Variants in SCAND3 observed in about 807,000 individuals in gnomAD.
SCAND3 encodes SCAN domain containing 3, also known as SCAN domain-containing protein 3.
At chr6:28,586,469 T>C in the SCAND3 span, 1 of 1,614,210 alleles carries the variant, frequency 6.2e-7, no homozygotes. This position sits in a 1 kb window ranked among gnomAD's most constrained non-coding sequence, Gnocchi z 4.4. Flanking sequence ...TATGTATCTC[T>C]GGGTTCAGCC....
chr6:28,600,988 A>G, the SCAND3 span, among the ~76,000 whole-genome samples: 1 of 140,034 alleles, frequency 7.1e-6, no homozygotes, highest in Non-Finnish European at 1.5e-5. Flanking sequence ...CGCAAGCTCC[A>G]TCTCCCAGGG....
chr6:28,581,049 G>C, the SCAND3 span, among the ~76,000 whole-genome samples: 1 of 151,950 alleles, frequency 6.6e-6, no homozygotes, highest in African/African-American at 2.4e-5. Flanking sequence ...TTTAACGCTG[G>C]AAAGAAGCTG....
the SCAND3 span, among the ~76,000 whole-genome samples, chr6:28,595,195 C>CAAAAAA: frequency 3.7e-4 from 6 of 16,116 alleles, 1 homozygote; most frequent in African/African-American, 9.3e-4. Context: ...CCGTCACTAC[C>CAAAAAA]AAAAAAAAAA....
chr6:28,582,663 C>G, the SCAND3 span, among the ~76,000 whole-genome samples: 3 of 152,302 alleles, frequency 2.0e-5, no homozygotes, highest in South Asian at 6.2e-4. This position sits in a 1 kb window ranked among gnomAD's most constrained non-coding sequence, Gnocchi z 4.8. Context: ...TGGCTCACGC[C>G]TGTACTCCCA....
At chr6:28,606,097 A>G in the SCAND3 span, among the ~76,000 whole-genome samples, 2 of 152,182 alleles carry the variant, frequency 1.3e-5, no homozygotes, top group South Asian at 2.1e-4. Flanking sequence ...AAAGTTCCTA[A>G]TAGTACTGTG....
At chr6:28,601,456 C>T in the SCAND3 span, among the ~76,000 whole-genome samples, 1 of 151,972 alleles carries the variant, frequency 6.6e-6, no homozygotes, top group South Asian at 2.1e-4. Context: ...GAGCTTTTTT[C>T]GATGCAAGCG....
chr6:28,575,027 T>C, the SCAND3 span: 1 of 1,614,114 alleles, frequency 6.2e-7, no homozygotes, highest in Non-Finnish European at 8.5e-7. This position sits in a 1 kb window ranked among gnomAD's most constrained non-coding sequence, Gnocchi z 4.2. Flanking sequence ...GCTCTTAAAG[T>C]ATTTTCTAAC....
the SCAND3 span, chr6:28,590,907 GGTGTTGCCTTAGCTA>G: frequency 1.3e-5 from 2 of 152,128 alleles, no homozygotes; most frequent in Non-Finnish European, 2.9e-5. Context: ...ATTTTCTTGT[GGTGTTGCCTTAGCTA>G]GTGTGGCCCC....
At chr6:28,584,603 T>C in the SCAND3 span, among the ~76,000 whole-genome samples, 1 of 152,228 alleles carries the variant, frequency 6.6e-6, no homozygotes. Context: ...AGTGTGTTTC[T>C]AGAGTACTTC....
the SCAND3 span, among the ~76,000 whole-genome samples, chr6:28,604,405 T>C: frequency 2.0e-5 from 3 of 151,886 alleles, no homozygotes; most frequent in Non-Finnish European, 4.4e-5. Context: ...TTACCTAAGG[T>C]CAGGAGTTCA....
chr6:28,586,612 G>A, the SCAND3 span: 2 of 1,614,076 alleles, frequency 1.2e-6, no homozygotes, highest in South Asian at 2.2e-5. This position sits in a 1 kb window ranked among gnomAD's most constrained non-coding sequence, Gnocchi z 4.4. Flanking sequence ...GCTGATTCCT[G>A]ATCCCAAGTG....
chr6:28,581,066 G>A, the SCAND3 span, among the ~76,000 whole-genome samples: 4 of 152,106 alleles, frequency 2.6e-5, no homozygotes, highest in Non-Finnish European at 5.9e-5. Flanking sequence ...GCTGAGTGCA[G>A]TAGCTGACAT....
the SCAND3 span, chr6:28,591,854 A>G: frequency 6.6e-6 from 1 of 152,246 alleles, no homozygotes; most frequent in Non-Finnish European, 1.5e-5. Context: ...GATTGAGAAT[A>G]TGATCAGCTG....
chr6:28,573,740 T>A, the SCAND3 span: 5 of 1,603,490 alleles, frequency 3.1e-6, no homozygotes, highest in Non-Finnish European at 4.2e-6. Context: ...TAACTTCTAT[T>A]GTTAACATTT....
At chr6:28,611,411 G>A in the SCAND3 span, among the ~76,000 whole-genome samples, 1 of 152,144 alleles carries the variant, frequency 6.6e-6, no homozygotes, top group Admixed American at 6.5e-5. Flanking sequence ...CCAAGAGGTG[G>A]ATTAACAAAG....
At chr6:28,612,942 T>A in the SCAND3 span, among the ~76,000 whole-genome samples, 1 of 152,200 alleles carries the variant, frequency 6.6e-6, no homozygotes, top group East Asian at 1.9e-4. Context: ...AGTCTTTAAA[T>A]GAATTTTAAC....
At chr6:28,607,137 A>C in the SCAND3 span, among the ~76,000 whole-genome samples, 7 of 152,214 alleles carry the variant, frequency 4.6e-5, no homozygotes, top group Admixed American at 6.5e-5. Context: ...AAGAAATGCA[A>C]AGCAACCTGT....
the SCAND3 span, among the ~76,000 whole-genome samples, chr6:28,606,329 C>T: frequency 6.6e-6 from 1 of 151,964 alleles, no homozygotes; most frequent in African/African-American, 2.4e-5. Flanking sequence ...ACGGAGGTGC[C>T]TCAGAAGTCA....
the SCAND3 span, among the ~76,000 whole-genome samples, chr6:28,598,846 C>T: frequency 3.8e-5 from 5 of 131,152 alleles, no homozygotes; most frequent in South Asian, 9.2e-4. Context: ...CACTGCACTC[C>T]AGCCTGGGTG....
Sources: allele counts gnomAD v4.1 joint callset (sites outside exome capture counted in the v4.1 genomes callset), GRCh38; gene constraint gnomAD v4.1.1; non-coding constraint Gnocchi (gnomAD v3.1); transcripts MANE v1.5; gene names NCBI Gene and HGNC (gene_info 2026-07-23, HGNC 2026-07-21).